The following RCC2 variants were observed in gnomAD, a reference collection of about 807,000 sequenced individuals.
RCC2 encodes the protein protein RCC2.
A neutral mutation model predicts 64.1 loss-of-function variants in RCC2; 19 were observed. That is an observed-to-expected ratio of 0.30 (90% CI 0.21 to 0.44). The LOEUF is 0.44. RCC2 is among the 20% of genes least tolerant of loss of function. RCC2 has a pLI of 1.00. For missense variants in RCC2, 508 were observed against 710.4 expected (o/e 0.72, Z 3.24); for synonymous variants, 325 against 279.6 (o/e 1.16, Z -1.62).
intron 2 of RCC2, among the ~76,000 whole-genome samples, chr1:17,434,183 T>C (rs745955849): frequency 2.0e-5 from 3 of 152,200 alleles, no homozygotes; most frequent in Non-Finnish European, 4.4e-5. Flanking sequence ...CCTTGGAATC[T>C]CCAAAGCAAT....
intron 2 of RCC2, 147 bp downstream of exon 2, chr1:17,438,083 A>G (rs966882576): frequency 2.4e-6 from 1 of 423,260 alleles, no homozygotes; most frequent in Non-Finnish European, 3.2e-6. Flanking sequence ...GGCGGAGGCA[A>G]TGATTCAGCC....
intron 1 of RCC2, among the ~76,000 whole-genome samples, chr1:17,438,967 C>T (rs2100406197): frequency 6.6e-6 from 1 of 151,936 alleles, no homozygotes; most frequent in South Asian, 2.1e-4. Flanking sequence ...GCTACCCCAC[C>T]TGCTGCTTTT....
At chr1:17,429,822 A>G (rs1465850679) in intron 2 of RCC2, among the ~76,000 whole-genome samples, 2 of 152,256 alleles carry the variant, frequency 1.3e-5, no homozygotes, top group African/African-American at 4.8e-5. Flanking sequence ...TGAGCCCGGG[A>G]GCCAATGGTG....
intron 2 of RCC2, among the ~76,000 whole-genome samples, chr1:17,436,463 G>C (rs1032547843): frequency 1.3e-5 from 2 of 152,098 alleles, no homozygotes; most frequent in African/African-American, 2.4e-5. Context: ...AGCTGAGATC[G>C]TGCCACTGCA....
intron 2 of RCC2, among the ~76,000 whole-genome samples, chr1:17,435,140 G>A (rs1035759606): frequency 1.3e-5 from 2 of 152,198 alleles, no homozygotes; most frequent in African/African-American, 2.4e-5. Context: ...GTTGGTTGTT[G>A]AGTGTGGCCG....
At position 17,438,247 on chromosome 1, in the gene RCC2, G is replaced by T; in HGVS notation, c.268C>A (p.His90Asn). The T allele has an allele frequency of 7.5e-7, 1 of 1,329,552 alleles. No individual in the cohort carries two copies. The highest frequency in any genetic ancestry group is 9.8e-7 in the Non-Finnish European group (1 of 1,020,850). 82.4% of individuals were successfully genotyped at this position (1,329,552 alleles called of 1,614,324 possible). A position where few individuals can be genotyped will look rare whatever the true frequency, so the allele number is the denominator to read the frequency against. The change falls in exon 2 of 13, where the codon CAC becomes AAC. Residue 90 changes from histidine (H) to asparagine (N), a missense_variant. Around this residue, in one of 4 missense-constraint regions of RCC2, gnomAD observed 195 missense variants for 158.3 expected, o/e 1.23. Transcript: ENST00000375436. ...GAAVVITEPE[H>N]TKERVKLEGS... ...TCACTCACGACGCGCTCCTTGGTGT[G>T]CTCGGGTTCGGTGATGACCACGGCC...
intron 2 of RCC2, among the ~76,000 whole-genome samples, chr1:17,437,431 G>A (rs899567811): frequency 1.3e-4 from 19 of 151,738 alleles, no homozygotes; most frequent in Admixed American, 1.2e-3. Flanking sequence ...GGCGGCAGAT[G>A]CCGGGTTCAG....
At chr1:17,413,791 G>A in intron 8 of RCC2, 74 bp from the exon 9 acceptor site, 1 of 1,345,902 alleles carries the variant, frequency 7.4e-7, no homozygotes, top group South Asian at 1.3e-5. Context: ...TCGTTTCTGT[G>A]CAGACAACCT....
chr1:17,412,252 G>A (rs2100353638), intron 10 of RCC2, 58 bp from the exon 11 acceptor site: 2 of 1,544,388 alleles, frequency 1.3e-6, no homozygotes, highest in Middle Eastern at 1.7e-4. Flanking sequence ...CACCCACGCA[G>A]CTATGGCTCA....
Position 17,438,509 on chromosome 1 carries a change from G to T in RCC2, c.6C>A (p.Pro2=). ...AGGCCGCCGCCGCCGCCTTCTTCCT[G>T]GGCATGGTCGCGGCTGGAGGGAGAC... The part of the protein sequence containing the change: M[P]RKKAAAAAWE... Residue 2 remains proline, a synonymous_variant, in exon 2 of 13, where the codon CCC becomes CCA. Coordinates refer to ENST00000375436, the MANE Select transcript of RCC2 (RefSeq NM_018715.4). 2 of 1,343,828 alleles carry T rather than the reference G, an allele frequency of 1.5e-6. No homozygotes were observed. Among genetic ancestry groups the T allele is most frequent in the South Asian group, 2.2e-5 (1 of 46,084 alleles). The allele number at this position is 1,343,828 out of a possible 1,614,324, so 83.2% of individuals were successfully genotyped here.
intron 3 of RCC2, among the ~76,000 whole-genome samples, chr1:17,428,501 C>T (rs1160203878): frequency 6.6e-6 from 1 of 152,200 alleles, no homozygotes; most frequent in Non-Finnish European, 1.5e-5. Context: ...CTTTGGGAGT[C>T]TTTCCAGATG....
intron 4 of RCC2, among the ~76,000 whole-genome samples, chr1:17,423,493 G>T (rs561166272): frequency 6.6e-6 from 1 of 152,330 alleles, no homozygotes; most frequent in African/African-American, 2.4e-5. Flanking sequence ...GTGCGACCAA[G>T]GCCCTGTATC....
In RCC2 at chr1:17,413,242, T is replaced by C. The variant is rs1375243962; in HGVS notation, c.1208-64A>G. On this transcript the variant is annotated intron_variant, in intron 9 of 12. Coordinates refer to ENST00000375436, the MANE Select transcript of RCC2 (RefSeq NM_018715.4). ...ATCGAGAGCTGAGTCTCATCTTCAG[T>C]ATTATCAGGGTGAAAAGAGGACGGG... 107 of 1,188,984 alleles carry C rather than the reference T, an allele frequency of 9.0e-5. No homozygotes were observed. The East Asian group carries it at 2.5e-3, about 28-fold the overall frequency. The allele number at this position is 1,188,984 out of a possible 1,614,324, so 73.7% of individuals were successfully genotyped here.
intron 2 of RCC2, among the ~76,000 whole-genome samples, chr1:17,435,473 G>A (rs941647474): frequency 1.3e-5 from 2 of 152,246 alleles, no homozygotes; most frequent in East Asian, 3.9e-4. Context: ...GCCTGTGGCA[G>A]CACACAGGGT....
At chr1:17,412,900 C>G (rs1048238951) in intron 10 of RCC2, among the ~76,000 whole-genome samples, 173 bp downstream of exon 10, 2 of 152,212 alleles carry the variant, frequency 1.3e-5, no homozygotes, top group African/African-American at 4.8e-5. Context: ...CAAATGGGCC[C>G]TCTCCCCTCC....
intron 7 of RCC2, among the ~76,000 whole-genome samples, chr1:17,420,014 C>T (rs1019210630): frequency 2.6e-5 from 4 of 152,200 alleles, no homozygotes; most frequent in African/African-American, 9.7e-5. Context: ...TGCAGGAGCG[C>T]GCGCGGCCAG....
intron 11 of RCC2, among the ~76,000 whole-genome samples, chr1:17,410,409 G>A (rs113748502): frequency 0.024 from 3,622 of 152,260 alleles, 154 homozygotes; most frequent in African/African-American, 0.082. Context: ...GGACCAAAGC[G>A]ACCAAGAACA....
intron 4 of RCC2, 151 bp downstream of exon 4, chr1:17,425,390 G>C: frequency 2.6e-6 from 2 of 773,452 alleles, no homozygotes; most frequent in Non-Finnish European, 2.0e-6. Flanking sequence ...CAAGAGACGA[G>C]CTGGGAATTA....
At position 17,412,135 on chromosome 1, in the gene RCC2, G is replaced by A; in HGVS notation, c.1373C>T (p.Thr458Ile). ...ESTISWGPSP[T>I]FGELGYGDHK... ...GTGACAGCTTACCAGTTCCCCAAAG[G>A]TCGGTGACGGACCCCAGCTGATGGT... The change falls in exon 11 of 13, where the codon ACC becomes ATC. Residue 458 changes from threonine to isoleucine, a missense_variant. Transcript: ENST00000375436. The A allele has an allele frequency of 1.2e-6, 2 of 1,614,162 alleles. No homozygotes were observed. The highest frequency in any genetic ancestry group is 1.7e-6 in the Non-Finnish European group (2 of 1,180,014).
Sources: gnomAD v4.1 joint callset for allele counts (sites outside exome capture counted in the v4.1 genomes callset) on GRCh38, gnomAD v4.1.1 for gene constraint, gnomAD v4.1.1 regional missense constraint, MANE v1.5 for transcripts, NCBI Gene and HGNC (gene_info 2026-07-23, HGNC 2026-07-21) for gene names.